The following SGCZ variants were observed in gnomAD, a reference collection of about 807,000 sequenced individuals.
The protein encoded by SGCZ is sarcoglycan zeta, also known as zeta-sarcoglycan.
Under a neutral mutation model 41.3 loss-of-function variants are expected in SGCZ, and 40 were observed. That is an observed-to-expected ratio of 0.97 (90% CI 0.75 to 1.26). SGCZ has a LOEUF of 1.26. SGCZ is among the 50% of genes most tolerant of loss of function. SGCZ has a pLI of 0.00. For synonymous variants in SGCZ, 206 were observed against 137.5 expected (o/e 1.50, Z -3.49); for missense variants, 552 against 369.8 (o/e 1.49, Z -4.04).
chr8:14,992,332 C>G (rs1802043482), intron 1 of SGCZ, among the ~76,000 whole-genome samples: 2 of 150,900 alleles, frequency 1.3e-5, no homozygotes, highest in African/African-American at 4.9e-5. Flanking sequence ...ACCCATCCTC[C>G]TCATCCAATC....
intron 1 of SGCZ, among the ~76,000 whole-genome samples, chr8:15,169,757 C>A (rs562545230): frequency 6.6e-6 from 1 of 152,270 alleles, no homozygotes; most frequent in African/African-American, 2.4e-5. Context: ...CTCCACAATT[C>A]CTTTTAGAAA....
At chr8:14,113,406 A>G (rs1391472748) in intron 5 of SGCZ, among the ~76,000 whole-genome samples, 2 of 152,092 alleles carry the variant, frequency 1.3e-5, no homozygotes, top group Non-Finnish European at 2.9e-5. Flanking sequence ...TAATTATAAC[A>G]GTTGCTTACG....
At chr8:14,509,154 G>A in intron 2 of SGCZ, among the ~76,000 whole-genome samples, 1 of 151,996 alleles carries the variant, frequency 6.6e-6, no homozygotes, top group Admixed American at 6.6e-5. Flanking sequence ...AGTAAATTTA[G>A]ACTAGATTTT....
chr8:14,541,484 T>G (rs558840553), intron 2 of SGCZ, among the ~76,000 whole-genome samples: 1 of 152,272 alleles, frequency 6.6e-6, no homozygotes, highest in African/African-American at 2.4e-5. Context: ...CATTCTTTTT[T>G]ATGGCTGCAT....
At chr8:14,514,778 T>G (rs555156191) in intron 2 of SGCZ, among the ~76,000 whole-genome samples, 2 of 60,458 alleles carry the variant, frequency 3.3e-5, no homozygotes, top group African/African-American at 8.7e-5. Flanking sequence ...TATACATATA[T>G]GTAAATGTGT....
At chr8:15,025,465 C>G (rs1803420640) in intron 1 of SGCZ, among the ~76,000 whole-genome samples, 1 of 152,100 alleles carries the variant, frequency 6.6e-6, no homozygotes, top group Non-Finnish European at 1.5e-5. Context: ...TTTTCTTTTG[C>G]TAGCTGAGAG....
chr8:15,052,322 T>A (rs926119961), intron 1 of SGCZ, among the ~76,000 whole-genome samples: 2 of 151,890 alleles, frequency 1.3e-5, no homozygotes, highest in African/African-American at 4.8e-5. Flanking sequence ...ATGAAGAAGA[T>A]GAAAAGAGGA....
At chr8:15,167,497 T>C (rs1174334592) in intron 1 of SGCZ, among the ~76,000 whole-genome samples, 1 of 152,186 alleles carries the variant, frequency 6.6e-6, no homozygotes, top group African/African-American at 2.4e-5. Context: ...AAACCCATGG[T>C]TGTGCTCAGC....
intron 1 of SGCZ, among the ~76,000 whole-genome samples, chr8:15,132,702 G>C (rs967213492): frequency 2.0e-5 from 3 of 152,186 alleles, no homozygotes; most frequent in African/African-American, 7.2e-5. Flanking sequence ...AAAGCCAGTT[G>C]CTACATTTTT....
Position 14,728,569 on chromosome 8 carries a change from A to G in SGCZ, c.40-173643T>C, listed in dbSNP as rs114048435. 9.6e-3 allele frequency among the ~76,000 whole-genome samples: 1,466 copies of G among 152,262 alleles called. 18 individuals are homozygous for G. The highest frequency in any genetic ancestry group is 0.031 in the Middle Eastern group (9 of 292). On this transcript the variant is annotated intron_variant, in intron 1 of 7. Coordinates refer to ENST00000382080, the MANE Select transcript of SGCZ (RefSeq NM_139167.4). ...AGTAAACATTTGATATATGAGAAAA[A>G]TAAATGATTTTTACCCCATAAACAT...
chr8:14,675,861 A>G (rs1193569007), intron 1 of SGCZ, among the ~76,000 whole-genome samples: 3 of 152,202 alleles, frequency 2.0e-5, no homozygotes, highest in Non-Finnish European at 2.9e-5. Flanking sequence ...GGGGGACCCA[A>G]ACAAAGCTCA....
intron 4 of SGCZ, among the ~76,000 whole-genome samples, chr8:14,209,130 G>A (rs1012935818): frequency 1.3e-5 from 2 of 152,186 alleles, no homozygotes; most frequent in African/African-American, 4.8e-5. Context: ...CCAGCCACGT[G>A]GAAAGCCCAT....
chr8:14,619,628 G>A (rs905430978), intron 1 of SGCZ, among the ~76,000 whole-genome samples: 7 of 152,024 alleles, frequency 4.6e-5, no homozygotes, highest in Non-Finnish European at 7.4e-5. Context: ...AAAATGACAG[G>A]CATTCTTATA....
chr8:14,367,745 G>T (rs544111601), intron 2 of SGCZ, among the ~76,000 whole-genome samples: 1 of 152,146 alleles, frequency 6.6e-6, no homozygotes, highest in Admixed American at 6.6e-5. Context: ...CCATAAACCA[G>T]TCAGTTACCA....
At chr8:14,553,091 G>T (rs1803922517) in intron 2 of SGCZ, among the ~76,000 whole-genome samples, 1 of 152,016 alleles carries the variant, frequency 6.6e-6, no homozygotes, top group Admixed American at 6.6e-5. Flanking sequence ...CAGGACAAAA[G>T]AATGTGCAGG....
At chr8:14,870,263 C>T (rs1804098652) in intron 1 of SGCZ, among the ~76,000 whole-genome samples, 1 of 151,996 alleles carries the variant, frequency 6.6e-6, no homozygotes, top group Admixed American at 6.6e-5. Flanking sequence ...CTCAGAAATA[C>T]CACACATCTA....
chr8:14,091,947 T>C (rs1801701320), intron 7 of SGCZ, among the ~76,000 whole-genome samples: 1 of 152,174 alleles, frequency 6.6e-6, no homozygotes, highest in South Asian at 2.1e-4. Context: ...TTTTACAGTT[T>C]TAGGTTTTAT....
chr8:14,325,545 ATAG>A (rs975492075), intron 2 of SGCZ, among the ~76,000 whole-genome samples: 1 of 147,636 alleles, frequency 6.8e-6, no homozygotes, highest in African/African-American at 2.5e-5. Context: ...ATCATATATA[ATAG>A]ATTATATATA....
chr8:14,580,900 CA>C (rs1804867063), intron 1 of SGCZ, among the ~76,000 whole-genome samples: 1 of 152,146 alleles, frequency 6.6e-6, no homozygotes, highest in Non-Finnish European at 1.5e-5. Flanking sequence ...CATTCAAGCA[CA>C]ATTTACTGGT....
Sources: allele counts gnomAD v4.1 joint callset (sites outside exome capture counted in the v4.1 genomes callset), GRCh38; gene constraint gnomAD v4.1.1; transcripts MANE v1.5; gene names NCBI Gene and HGNC (gene_info 2026-07-23, HGNC 2026-07-21).